Variants in LRRTM4 observed in about 807,000 individuals in gnomAD.
LRRTM4 encodes leucine-rich repeat transmembrane neuronal protein 4.
In LRRTM4, 25 loss-of-function variants were observed where a neutral mutation model predicts 47.6. That is an observed-to-expected ratio of 0.53 (90% confidence interval 0.38 to 0.73). The LOEUF (loss-of-function observed/expected upper bound fraction) is 0.73. LRRTM4 is among the 30% of genes least tolerant of loss of function. The probability of loss-of-function intolerance (pLI) is 0.00; values close to 1 mark genes in which losing one functional copy is unlikely to be tolerated. For synonymous variants in LRRTM4, 311 were observed against 269.5 expected, an observed-to-expected ratio of 1.15 and a Z score of -1.51; for missense variants, 638 against 713.4, an observed-to-expected ratio of 0.89 and a Z score of 1.20.
At chr2:76,946,639 C>A (rs1255399545) in intron 3 of LRRTM4, among the ~76,000 whole-genome samples, 1 of 151,662 alleles carries the variant, frequency 6.6e-6, no homozygotes, top group African/African-American at 2.4e-5. Context: ...GCATTGCCAG[C>A]TTCAATTGAA....
intron 3 of LRRTM4, among the ~76,000 whole-genome samples, chr2:76,954,593 A>C (rs537553846): frequency 6.6e-6 from 1 of 151,818 alleles, no homozygotes; most frequent in Non-Finnish European, 1.5e-5. Flanking sequence ...CCAGACGAAG[A>C]AGAAGAGAGA....
intron 3 of LRRTM4, among the ~76,000 whole-genome samples, chr2:77,348,529 T>C (rs982735403): frequency 6.7e-6 from 1 of 150,168 alleles, no homozygotes; most frequent in Non-Finnish European, 1.5e-5. Context: ...TAAAAAATAA[T>C]TGTCAAGTGA....
At chr2:77,154,751 T>C (rs1459245729) in intron 3 of LRRTM4, among the ~76,000 whole-genome samples, 1 of 152,036 alleles carries the variant, frequency 6.6e-6, no homozygotes, top group Admixed American at 6.6e-5. Flanking sequence ...GAATAGGAGA[T>C]TAGTTACATG....
At chr2:76,942,559 A>G (rs1344330897) in intron 3 of LRRTM4, among the ~76,000 whole-genome samples, 2 of 151,040 alleles carry the variant, frequency 1.3e-5, no homozygotes, top group Admixed American at 6.6e-5. Context: ...AAATGTATGA[A>G]TTTTTATTAC....
intron 3 of LRRTM4, among the ~76,000 whole-genome samples, chr2:77,115,059 C>T (rs1339579906): frequency 2.0e-5 from 3 of 152,150 alleles, no homozygotes; most frequent in African/African-American, 4.8e-5. Context: ...CTTATCTCAA[C>T]TGCATAAGAC....
intron 3 of LRRTM4, among the ~76,000 whole-genome samples, chr2:77,515,479 G>C (rs1162562381): frequency 6.6e-6 from 1 of 151,802 alleles, no homozygotes; most frequent in South Asian, 2.1e-4. Context: ...GTGGAAAGTA[G>C]AGTTTTTAAT....
intron 3 of LRRTM4, among the ~76,000 whole-genome samples, chr2:76,947,306 T>A (rs1211081013): frequency 6.6e-6 from 1 of 151,888 alleles, no homozygotes; most frequent in African/African-American, 2.4e-5. Context: ...TAACACTATC[T>A]TCATTTTAAG....
At chr2:77,490,573 A>C (rs1293293784) in intron 3 of LRRTM4, among the ~76,000 whole-genome samples, 1 of 152,134 alleles carries the variant, frequency 6.6e-6, no homozygotes, top group Non-Finnish European at 1.5e-5. Context: ...TCGTTATGAG[A>C]TACAAATTGC....
chr2:77,298,027 G>A (rs1329646595), intron 3 of LRRTM4, among the ~76,000 whole-genome samples: 2 of 152,166 alleles, frequency 1.3e-5, no homozygotes, highest in Non-Finnish European at 2.9e-5. Flanking sequence ...AGCATGTGAT[G>A]TGTAAGAAAC....
intron 3 of LRRTM4, among the ~76,000 whole-genome samples, chr2:77,033,615 T>G: frequency 6.6e-6 from 1 of 151,990 alleles, no homozygotes; most frequent in East Asian, 1.9e-4. Context: ...CTTGGGGCTC[T>G]TAGTTTAGAT....
At chr2:77,134,245 A>G (rs1462161676) in intron 3 of LRRTM4, among the ~76,000 whole-genome samples, 1 of 152,158 alleles carries the variant, frequency 6.6e-6, no homozygotes, top group African/African-American at 2.4e-5. Flanking sequence ...TGGCCAGATT[A>G]AATTTACATA....
chr2:77,214,933 G>T (rs1295041337), intron 3 of LRRTM4, among the ~76,000 whole-genome samples: 1 of 152,024 alleles, frequency 6.6e-6, no homozygotes, highest in African/African-American at 2.4e-5. Context: ...ATAATTTAGA[G>T]TCCGCCTTCT....
At chr2:76,943,400 C>T (rs968746728) in intron 3 of LRRTM4, among the ~76,000 whole-genome samples, 14 of 152,116 alleles carry the variant, frequency 9.2e-5, no homozygotes, top group African/African-American at 3.4e-4. Flanking sequence ...CGCACCACTG[C>T]ACCCCCGCCT....
intron 3 of LRRTM4, among the ~76,000 whole-genome samples, chr2:77,420,720 T>C (rs1160147119): frequency 1.3e-5 from 2 of 148,386 alleles, no homozygotes; most frequent in African/African-American, 2.5e-5. Context: ...TCAGAGAATA[T>C]AATCTGGATG....
At chr2:77,475,426 C>A (rs2104001136) in intron 3 of LRRTM4, among the ~76,000 whole-genome samples, 1 of 152,088 alleles carries the variant, frequency 6.6e-6, no homozygotes, top group East Asian at 1.9e-4. Flanking sequence ...CATAACAAAG[C>A]ATGGCTAAAA....
In LRRTM4 at chr2:77,518,930, C is replaced by A; in HGVS notation, c.939G>T (p.Trp313Cys). ...LISITLSGNM[W>C]ECSRSICPLF... ...AAGGACAAATGCTCCGACTGCATTC[C>A]CACATATTTCCAGACAATGTGATGG... The change falls in exon 3 of 4, where the codon TGG becomes TGT. Residue 313 changes from tryptophan (W) to cysteine (C), a missense_variant. Coordinates refer to ENST00000409884, the MANE Select transcript of LRRTM4 (RefSeq NM_001134745.3). 6.2e-7 allele frequency: 1 copy of A among 1,610,022 alleles called. No individual in the cohort carries two copies.
At chr2:77,331,065 GA>G (rs368512616) in intron 3 of LRRTM4, among the ~76,000 whole-genome samples, 10 of 152,160 alleles carry the variant, frequency 6.6e-5, no homozygotes, top group African/African-American at 2.4e-4. Flanking sequence ...TAATTTGAAA[GA>G]TAAAAGGTGC....
chr2:77,015,164 A>G (rs1041089121), intron 3 of LRRTM4, among the ~76,000 whole-genome samples: 14 of 152,022 alleles, frequency 9.2e-5, no homozygotes, highest in African/African-American at 2.7e-4. Flanking sequence ...GCTTATATCC[A>G]CAGTTCCAGT....
intron 3 of LRRTM4, among the ~76,000 whole-genome samples, chr2:77,135,832 C>T (rs1461165493): frequency 6.6e-6 from 1 of 151,716 alleles, no homozygotes; most frequent in African/African-American, 2.4e-5. Flanking sequence ...TATAGCAATT[C>T]AATGTAAGAA....
Sources: allele counts gnomAD v4.1 joint callset (sites outside exome capture counted in the v4.1 genomes callset), GRCh38; gene constraint gnomAD v4.1.1; transcripts MANE v1.5; gene names NCBI Gene and HGNC (gene_info 2026-07-23, HGNC 2026-07-21).